The following PLCE1 variants were observed in gnomAD, a reference collection of about 807,000 sequenced individuals.
The protein encoded by PLCE1 is phospholipase C epsilon 1, also known as 1-phosphatidylinositol 4,5-bisphosphate phosphodiesterase epsilon-1.
In PLCE1, 119 loss-of-function variants were observed where a neutral mutation model predicts 242.8. The observed-to-expected ratio is 0.49, with a 90% CI of 0.42 to 0.57. The LOEUF is 0.57. Among genes scored for constraint, PLCE1 ranks in the 20% least tolerant of loss-of-function variants. PLCE1 has a pLI of 0.00. For synonymous variants in PLCE1, 945 were observed against 1,017.4 expected (o/e 0.93, Z 1.35); for missense variants, 2,441 against 2,788.8 (o/e 0.88, Z 2.81).
intron 1 of PLCE1, among the ~76,000 whole-genome samples, chr10:94,013,888 C>G (rs934182864): frequency 6.6e-6 from 1 of 151,490 alleles, no homozygotes; most frequent in Non-Finnish European, 1.5e-5. Context: ...CATTAGAAAC[C>G]TGAAGAGGGC....
chr10:94,043,789 T>C (rs1189278150), intron 2 of PLCE1, among the ~76,000 whole-genome samples: 1 of 152,212 alleles, frequency 6.6e-6, no homozygotes, highest in African/African-American at 2.4e-5. Context: ...AAACCAAATA[T>C]GGGCAGTGTA....
chr10:94,302,442 G>T (rs1269513691), intron 24 of PLCE1, among the ~76,000 whole-genome samples: 6 of 152,088 alleles, frequency 3.9e-5, no homozygotes, highest in Admixed American at 2.0e-4. Context: ...TAGAGTTTTG[G>T]CTTTACAGCT....
intron 2 of PLCE1, among the ~76,000 whole-genome samples, chr10:94,111,571 G>A (rs538768178): frequency 6.6e-6 from 1 of 152,302 alleles, no homozygotes; most frequent in Admixed American, 6.5e-5. Context: ...GGAAGAGTGG[G>A]TGGCTAGAGA....
intron 2 of PLCE1, among the ~76,000 whole-genome samples, chr10:94,079,837 C>G (rs959395532): frequency 6.6e-6 from 1 of 152,134 alleles, no homozygotes; most frequent in African/African-American, 2.4e-5. Context: ...TCCTAGCTCT[C>G]GAGGTTTCTC....
chr10:94,161,581 C>A (rs1159000370), intron 3 of PLCE1, among the ~76,000 whole-genome samples: 3 of 152,126 alleles, frequency 2.0e-5, no homozygotes. Context: ...TTTCTAGATA[C>A]ACAATCATGT....
intron 4 of PLCE1, among the ~76,000 whole-genome samples, chr10:94,195,896 C>T (rs999650167): frequency 6.6e-6 from 1 of 152,156 alleles, no homozygotes; most frequent in African/African-American, 2.4e-5. Flanking sequence ...TCTTTTAGCC[C>T]CTCTGAACAT....
Position 94,284,730 on chromosome 10 carries a change from C to T in PLCE1, c.4918-118C>T. ...GTTGGGACATGTATATGGATAATTACCATGCAAGGGGAAATACAGTAATAA... is the reference window on the plus strand; with the variant it reads ...GTTGGGACATGTATATGGATAATTATCATGCAAGGGGAAATACAGTAATAA... On this transcript the variant is annotated intron_variant, in intron 21 of 32. Coordinates refer to ENST00000371380, the MANE Select transcript of PLCE1 (RefSeq NM_016341.4). 5.6e-6 allele frequency: 4 copies of T among 717,266 alleles called. No individual in the cohort carries two copies. In the South Asian group the frequency reaches 6.2e-5, roughly 11 times the overall value. 44.4% of individuals were successfully genotyped at this position (717,266 alleles called of 1,614,324 possible).
At chr10:94,059,111 G>A (rs1480813835) in intron 2 of PLCE1, among the ~76,000 whole-genome samples, 1 of 152,216 alleles carries the variant, frequency 6.6e-6, no homozygotes, top group East Asian at 1.9e-4. Context: ...GATAGACACA[G>A]TCATGATGGA....
chr10:94,273,107 C>T (rs936676788), intron 18 of PLCE1, among the ~76,000 whole-genome samples: 5 of 152,198 alleles, frequency 3.3e-5, no homozygotes, highest in African/African-American at 1.2e-4. Context: ...TGCTCAAAAT[C>T]TTTGTGAGAA....
intron 2 of PLCE1, among the ~76,000 whole-genome samples, chr10:94,059,255 G>A (rs2043984187): frequency 6.6e-6 from 1 of 152,216 alleles, no homozygotes; most frequent in Non-Finnish European, 1.5e-5. Flanking sequence ...AGTTGCTTAG[G>A]CTGTAGTGGA....
intron 31 of PLCE1, 66 bp downstream of exon 31, chr10:94,324,633 G>C (rs2053941863): frequency 7.7e-7 from 1 of 1,306,810 alleles, no homozygotes; most frequent in Middle Eastern, 2.0e-4. Context: ...ACTGTAGCCA[G>C]ATCTGGAAGC....
Position 94,322,039 on chromosome 10 carries a change from G to A in PLCE1, c.6481G>A (p.Ala2161Thr), listed in dbSNP as rs1040807562. 1 of 1,614,142 alleles carries A rather than the reference G, an allele frequency of 6.2e-7. No individual in the cohort carries two copies. Among genetic ancestry groups the A allele is most frequent in the Admixed American group, 1.7e-5 (1 of 60,028 alleles). Reference sequence around the variant, plus strand: ...CATCAAAGCACCCCGCGTCAGCACTGCACAGGATGTCATTCAGCAGGTAAA... The same window carrying A: ...CATCAAAGCACCCCGCGTCAGCACTACACAGGATGTCATTCAGCAGGTAAA... Reference protein sequence around the residue: ...TVIKAPRVSTAQDVIQQTLCK... With the variant: ...TVIKAPRVSTTQDVIQQTLCK... Residue 2161 changes from alanine to threonine, a missense_variant, in exon 30 of 33, where the codon GCA becomes ACA. By Grantham distance (58) the Ala-to-Thr change is moderately conservative. Coordinates refer to ENST00000371380, the MANE Select transcript of PLCE1 (RefSeq NM_016341.4).
chr10:94,209,721 A>T (rs189959473), intron 4 of PLCE1, among the ~76,000 whole-genome samples: 17 of 152,352 alleles, frequency 1.1e-4, no homozygotes, highest in East Asian at 5.8e-4. Context: ...CAAAAATTGT[A>T]ATTTCCAAAT....
At chr10:94,272,994 A>G (rs2051804557) in intron 18 of PLCE1, among the ~76,000 whole-genome samples, 1 of 152,072 alleles carries the variant, frequency 6.6e-6, no homozygotes, top group Non-Finnish European at 1.5e-5. Context: ...TGAGCTCAGG[A>G]GTTCGAGACC....
intron 5 of PLCE1, among the ~76,000 whole-genome samples, chr10:94,233,378 G>T (rs996285254): frequency 1.4e-4 from 21 of 152,274 alleles, no homozygotes; most frequent in African/African-American, 4.8e-4. Context: ...ATATTTAAAA[G>T]ATCAAGAGGG....
intron 2 of PLCE1, among the ~76,000 whole-genome samples, chr10:94,068,346 C>A (rs1039352930): frequency 6.6e-6 from 1 of 152,110 alleles, no homozygotes; most frequent in Non-Finnish European, 1.5e-5. Flanking sequence ...TGTTATGCAT[C>A]CTCGGATTCA....
intron 5 of PLCE1, among the ~76,000 whole-genome samples, chr10:94,233,813 T>C (rs1326515632): frequency 6.6e-6 from 1 of 151,926 alleles, no homozygotes; most frequent in Non-Finnish European, 1.5e-5. Context: ...CCAGGCATAG[T>C]GGCGCGCGCC....
intron 3 of PLCE1, among the ~76,000 whole-genome samples, chr10:94,156,978 C>T (rs895758509): frequency 5.9e-5 from 9 of 151,814 alleles, no homozygotes; most frequent in East Asian, 1.9e-4. Flanking sequence ...GAAGAGCTGA[C>T]GAGTTAAGAA....
rs4918074 is a variant in PLCE1 at position 94,072,250 on chromosome 10, C to A, written c.1206+39998C>A. Among the ~76,000 whole-genome samples the A allele has an allele frequency of 1.3e-3, 200 of 152,216 alleles. 1 individual carries two copies. Among genetic ancestry groups the A allele is most frequent in the African/African-American group, 4.0e-3 (166 of 41,526 alleles). On this transcript the variant is annotated intron_variant, in intron 2 of 32. Transcript: ENST00000371380. ...ATTTCCACCACTTTGCCTGAATTAC[C>A]CATTTCTTTCTTTCTTTCTTTCTTT...
Sources: allele counts gnomAD v4.1 joint callset (sites outside exome capture counted in the v4.1 genomes callset), GRCh38; gene constraint gnomAD v4.1.1; transcripts MANE v1.5; gene names NCBI Gene and HGNC (gene_info 2026-07-23, HGNC 2026-07-21).